The following NAV2 variants were observed in gnomAD, a reference collection of about 807,000 sequenced individuals.
NAV2 encodes the protein helicase, APC down-regulated 1.
A neutral mutation model predicts 223.2 loss-of-function variants in NAV2; 54 were observed. The ratio of observed to expected loss-of-function variants is 0.24; its 90% confidence interval spans 0.19 to 0.30. The LOEUF (loss-of-function observed/expected upper bound fraction) is 0.30. Ranked by LOEUF, NAV2 falls within the 10% of genes least tolerant of loss-of-function variation. The pLI, the probability that NAV2 is intolerant of heterozygous loss-of-function variation, is 1.00. For synonymous variants in NAV2, 1,279 were observed against 1,239.3 expected (o/e 1.03, Z -0.67); for missense variants, 2,806 against 3,147.5 (o/e 0.89, Z 2.60).
intron 6 of NAV2, among the ~76,000 whole-genome samples, chr11:19,904,910 C>T (rs986919220): frequency 1.3e-5 from 2 of 152,132 alleles, no homozygotes; most frequent in African/African-American, 4.8e-5. Context: ...AGATTGCTTG[C>T]AAATCTAGCA....
At chr11:19,522,844 G>C (rs2043709357) in intron 1 of NAV2, among the ~76,000 whole-genome samples, 1 of 152,214 alleles carries the variant, frequency 6.6e-6, no homozygotes, top group Admixed American at 6.5e-5. Context: ...ACAGAATCCT[G>C]ATGGCATGGC....
At chr11:19,641,171 C>A (rs1381422202) in intron 1 of NAV2, among the ~76,000 whole-genome samples, 1 of 152,162 alleles carries the variant, frequency 6.6e-6, no homozygotes, top group Non-Finnish European at 1.5e-5. Flanking sequence ...TAAGTTTAAA[C>A]CCTGGATGAG....
Position 19,713,884 on chromosome 11 carries a change from G to A in NAV2, c.189G>A (p.Leu63=), listed in dbSNP as rs1402498969. The change falls in exon 1 of 38, where the codon CTG becomes CTA. Residue 63 remains leucine (L), a synonymous_variant. Transcript: ENST00000349880. The surrounding 1 kb of genome is among the most constrained non-coding windows in gnomAD (Gnocchi z 7.2). ...PSQIPLKSQV[L]QGLQEPAGEG... ...AGATCCCCCTGAAATCGCAGGTGCT[G>A]CAGGGGCTGCAGGAGCCAGCGGGGG... The A allele has an allele frequency of 2.5e-6, 4 of 1,613,482 alleles. No homozygotes were observed. The East Asian group carries it at 8.9e-5, about 36-fold the overall frequency.
chr11:20,024,871 G>T (rs2054895581), intron 11 of NAV2, among the ~76,000 whole-genome samples: 1 of 152,150 alleles, frequency 6.6e-6, no homozygotes, highest in African/African-American at 2.4e-5. Context: ...AAGACAGCTG[G>T]CCAATGCCCT....
intron 1 of NAV2, among the ~76,000 whole-genome samples, chr11:19,684,454 G>C (rs2048966235): frequency 6.6e-6 from 1 of 152,028 alleles, no homozygotes; most frequent in Non-Finnish European, 1.5e-5. Context: ...GGTCATTCTT[G>C]GTGGCCCACA....
At chr11:19,916,184 G>A (rs1356064028) in intron 6 of NAV2, among the ~76,000 whole-genome samples, 1 of 152,134 alleles carries the variant, frequency 6.6e-6, no homozygotes, top group Non-Finnish European at 1.5e-5. Context: ...ATAAACTAAT[G>A]TTTTTGGTAT....
At chr11:19,999,928 A>T (rs1194935464) in intron 11 of NAV2, among the ~76,000 whole-genome samples, 1 of 152,218 alleles carries the variant, frequency 6.6e-6, no homozygotes, top group Non-Finnish European at 1.5e-5. Context: ...AGAAAGTCTA[A>T]GATACCTAAA....
intron 1 of NAV2, among the ~76,000 whole-genome samples, chr11:19,636,303 C>T (rs1055835546): frequency 1.3e-5 from 2 of 152,150 alleles, no homozygotes; most frequent in African/African-American, 4.8e-5. Flanking sequence ...CTTATCCCTA[C>T]AAAGCGGCTC....
intron 1 of NAV2, among the ~76,000 whole-genome samples, chr11:19,573,618 C>T (rs1439652820): frequency 6.6e-6 from 1 of 152,158 alleles, no homozygotes; most frequent in Non-Finnish European, 1.5e-5. Flanking sequence ...TCACAGAAGC[C>T]TTATGGATGG....
intron 1 of NAV2, among the ~76,000 whole-genome samples, chr11:19,537,070 T>G (rs1403814059): frequency 6.6e-6 from 1 of 152,200 alleles, no homozygotes; most frequent in African/African-American, 2.4e-5. Flanking sequence ...GACAATGTCC[T>G]TGTGAGGTCT....
chr11:19,906,073 G>A (rs1009704070), intron 6 of NAV2, among the ~76,000 whole-genome samples: 11 of 152,094 alleles, frequency 7.2e-5, no homozygotes, highest in African/African-American at 2.7e-4. Flanking sequence ...AGCTTCAGGG[G>A]GTCTCGGCTG....
intron 11 of NAV2, among the ~76,000 whole-genome samples, chr11:20,032,375 T>A (rs1476442909): frequency 6.6e-6 from 1 of 152,160 alleles, no homozygotes; most frequent in Non-Finnish European, 1.5e-5. Flanking sequence ...ATCCTGTGTA[T>A]CAAGGGCCAC....
intron 1 of NAV2, among the ~76,000 whole-genome samples, chr11:19,361,561 C>G (rs1853946811): frequency 6.6e-6 from 1 of 152,058 alleles, no homozygotes; most frequent in African/African-American, 2.4e-5. Context: ...AAGTGTCTTC[C>G]TCCCTGGATG....
At chr11:20,049,800 T>C in intron 15 of NAV2, 36 bp from the exon 16 acceptor site, 2 of 1,597,172 alleles carry the variant, frequency 1.3e-6, no homozygotes, top group South Asian at 2.2e-5. Flanking sequence ...CAAGCTAACG[T>C]TCCTTCTCTT....
At chr11:19,999,584 T>C (rs1591602306) in intron 11 of NAV2, among the ~76,000 whole-genome samples, 2 of 152,230 alleles carry the variant, frequency 1.3e-5, no homozygotes, top group Non-Finnish European at 2.9e-5. Context: ...TTGGCCAGGC[T>C]GGTCTCAAAT....
At chr11:19,734,249 G>T (rs2052065835) in intron 1 of NAV2, among the ~76,000 whole-genome samples, 1 of 152,198 alleles carries the variant, frequency 6.6e-6, no homozygotes, top group Non-Finnish European at 1.5e-5. Flanking sequence ...GACTAGGAAA[G>T]ACAAGCTTTC....
rs201768298 is a variant in NAV2, at chr11:20,030,303, AT to A, written c.2769-5654del. The stretch of plus-strand genomic sequence containing the variant: ...TCATTCATATAAAAATCATTGATTC[AT>A]TCAAAAGATGAAACCTGCTTTAATA... On this transcript the variant is annotated intron_variant, in intron 11 of 37. Coordinates refer to ENST00000349880, the MANE Select transcript of NAV2 (RefSeq NM_145117.5). Among the ~76,000 whole-genome samples the A allele has an allele frequency of 4.2e-3, 636 of 152,358 alleles. 4 individuals carry two copies. The highest frequency in any genetic ancestry group is 0.014 in the African/African-American group (585 of 41,588).
At chr11:19,693,220 C>T (rs2049233579) in intron 1 of NAV2, among the ~76,000 whole-genome samples, 1 of 152,228 alleles carries the variant, frequency 6.6e-6, no homozygotes, top group Admixed American at 6.5e-5. Context: ...TCACCCTCCA[C>T]AGGGTCCCCT....
At chr11:19,963,982 T>C (rs1035838371) in intron 10 of NAV2, among the ~76,000 whole-genome samples, 2 of 152,092 alleles carry the variant, frequency 1.3e-5, no homozygotes, top group African/African-American at 4.8e-5. Flanking sequence ...CTGAGGAAAT[T>C]CCACTCCCTC....
Sources: allele counts gnomAD v4.1 joint callset (sites outside exome capture counted in the v4.1 genomes callset), GRCh38; gene constraint gnomAD v4.1.1; non-coding constraint Gnocchi (gnomAD v3.1); transcripts MANE v1.5; gene names NCBI Gene and HGNC (gene_info 2026-07-23, HGNC 2026-07-21).